TTC17: variants seen among roughly 807,000 people sequenced by gnomAD.
TTC17 encodes the protein tetratricopeptide repeat protein 17.
Under a neutral mutation model 143.8 loss-of-function variants are expected in TTC17, and 58 were observed. The observed-to-expected ratio is 0.40, with a 90% confidence interval of 0.33 to 0.50. The LOEUF (loss-of-function observed/expected upper bound fraction) is 0.50. Ranked by LOEUF, TTC17 falls within the 20% of genes least tolerant of loss-of-function variation. TTC17 has a pLI of 0.49. For synonymous variants in TTC17, 501 were observed against 497.8 expected (o/e 1.01, Z -0.09); for missense variants, 1,273 against 1,392.5 (o/e 0.91, Z 1.37).
chr11:43,421,530 C>T (rs1946904293), intron 16 of TTC17, among the ~76,000 whole-genome samples: 1 of 152,174 alleles, frequency 6.6e-6, no homozygotes, highest in Admixed American at 6.5e-5. Flanking sequence ...CCATCACTCG[C>T]ATTACTGCCT....
intron 21 of TTC17, among the ~76,000 whole-genome samples, chr11:43,475,818 T>A (rs1171179674): frequency 6.6e-6 from 1 of 152,196 alleles, no homozygotes; most frequent in African/African-American, 2.4e-5. Context: ...TCAATAATGT[T>A]GTTAATGATA....
chr11:43,431,931 C>T (rs1947169066), intron 16 of TTC17, among the ~76,000 whole-genome samples: 1 of 152,218 alleles, frequency 6.6e-6, no homozygotes, highest in South Asian at 2.1e-4. Context: ...TGCTCTAATG[C>T]TCTTACAAAG....
intron 21 of TTC17, among the ~76,000 whole-genome samples, chr11:43,480,196 C>A (rs1331769494): frequency 6.6e-6 from 1 of 152,182 alleles, no homozygotes; most frequent in Non-Finnish European, 1.5e-5. Context: ...TTCATTTATT[C>A]ATTCATTCAG....
chr11:43,368,349 G>T (rs1295320764), intron 1 of TTC17, among the ~76,000 whole-genome samples: 1 of 152,116 alleles, frequency 6.6e-6, no homozygotes, highest in African/African-American at 2.4e-5. Flanking sequence ...CCATTTAGTT[G>T]TCATCACAAA....
intron 21 of TTC17, among the ~76,000 whole-genome samples, chr11:43,464,148 T>G (rs914764823): frequency 3.3e-5 from 5 of 151,886 alleles, no homozygotes; most frequent in Non-Finnish European, 4.4e-5. Flanking sequence ...GGCGTGGTGG[T>G]GCACGCCTGT....
intron 2 of TTC17, among the ~76,000 whole-genome samples, chr11:43,388,375 A>G (rs1319425339): frequency 1.3e-5 from 2 of 150,506 alleles, no homozygotes; most frequent in Admixed American, 1.3e-4. Context: ...TTTTTGATAC[A>G]CATATAATGA....
chr11:43,483,586 A>C (rs1948326703), intron 21 of TTC17, among the ~76,000 whole-genome samples: 1 of 152,148 alleles, frequency 6.6e-6, no homozygotes, highest in African/African-American at 2.4e-5. Flanking sequence ...GAAAACGCAA[A>C]ATTTGAGTCA....
chr11:43,451,405 C>A, intron 21 of TTC17, 140 bp downstream of exon 21: 1 of 692,982 alleles, frequency 1.4e-6, no homozygotes, highest in Non-Finnish European at 2.5e-6. Flanking sequence ...GAAATAACTC[C>A]CCTCAGAATG....
At chr11:43,447,681 G>C (rs1167449185) in intron 18 of TTC17, 3 of 206,606 alleles carry the variant, frequency 1.5e-5, no homozygotes, top group Non-Finnish European at 2.9e-5. Context: ...TCAAAATACA[G>C]AGGGGCAAAA....
intron 11 of TTC17, among the ~76,000 whole-genome samples, 162 bp downstream of exon 11, chr11:43,404,306 G>A (rs563816682): frequency 7.2e-5 from 11 of 152,196 alleles, no homozygotes; most frequent in African/African-American, 2.7e-4. Context: ...CTGCTAGGTA[G>A]TGAATGAGTA....
intron 7 of TTC17, 49 bp from the exon 8 acceptor site, chr11:43,397,924 GT>G (rs1857677332): frequency 8.6e-7 from 1 of 1,156,802 alleles, no homozygotes; most frequent in African/African-American, 1.5e-5. Flanking sequence ...GTGTGTGTGT[GT>G]GTGTGTGTGT....
Position 43,428,306 on chromosome 11 carries a change from A to T in TTC17, c.2251+13530A>T, listed in dbSNP as rs976451602. ...CTGAAGTAAGCCAGAGATTTAAATT[A>T]AAAAAAAAATAGCTATGTCAGTTAA... On this transcript the variant is annotated intron_variant, in intron 16 of 23. Transcript: ENST00000039989. Among the ~76,000 whole-genome samples the T allele has an allele frequency of 4.0e-5, 5 of 125,072 alleles. No homozygotes were observed. In the East Asian group the frequency reaches 5.8e-4, roughly 15 times the overall value. The allele number at this position is 125,072 out of a possible 152,430, so 82.1% of individuals were successfully genotyped here.
chr11:43,367,768 C>T (rs896149690), intron 1 of TTC17, among the ~76,000 whole-genome samples: 10 of 151,494 alleles, frequency 6.6e-5, no homozygotes, highest in Non-Finnish European at 1.3e-4. Flanking sequence ...GACAGACACC[C>T]TAAAAGAGTT....
chr11:43,445,557 A>G (rs899080367), intron 18 of TTC17, among the ~76,000 whole-genome samples: 2 of 152,254 alleles, frequency 1.3e-5, no homozygotes, highest in Non-Finnish European at 2.9e-5. Flanking sequence ...AGTGAAAACT[A>G]AAGCCGAATA....
At chr11:43,426,918 A>G (rs1370266975) in intron 16 of TTC17, among the ~76,000 whole-genome samples, 5 of 152,216 alleles carry the variant, frequency 3.3e-5, no homozygotes, top group Non-Finnish European at 7.3e-5. Context: ...TCTGCTCTCA[A>G]GGAGCTAGGA....
At chr11:43,469,188 A>T (rs908400982) in intron 21 of TTC17, among the ~76,000 whole-genome samples, 6 of 152,220 alleles carry the variant, frequency 3.9e-5, no homozygotes, top group African/African-American at 1.4e-4. Context: ...TACCCTGTAG[A>T]AGGGCTAGAC....
chr11:43,375,371 C>T (rs1314031903), intron 1 of TTC17, among the ~76,000 whole-genome samples: 4 of 150,250 alleles, frequency 2.7e-5, no homozygotes, highest in Non-Finnish European at 6.0e-5. Flanking sequence ...TACAAATACT[C>T]ACTAAACAGA....
At chr11:43,425,590 TAGAAA>T (rs546808654) in intron 16 of TTC17, among the ~76,000 whole-genome samples, 2,004 of 152,290 alleles carry the variant, frequency 0.013, 23 homozygotes, top group Non-Finnish European at 0.021. Flanking sequence ...TGGTAATCAT[TAGAAA>T]AGAGCATTCG....
chr11:43,466,858 A>G (rs1334829473), intron 21 of TTC17: 6 of 259,314 alleles, frequency 2.3e-5, no homozygotes, highest in Non-Finnish European at 7.7e-6. Flanking sequence ...GCCATTGCCA[A>G]CTGCAGACAA....
Sources: gnomAD v4.1 joint callset for allele counts (sites outside exome capture counted in the v4.1 genomes callset) on GRCh38, gnomAD v4.1.1 for gene constraint, MANE v1.5 for transcripts, NCBI Gene and HGNC (gene_info 2026-07-23, HGNC 2026-07-21) for gene names.